The following KPNA7 variants were observed in gnomAD, a reference collection of about 807,000 sequenced individuals.
KPNA7 encodes karyopherin subunit alpha 7.
In KPNA7, 54 loss-of-function variants were observed where a neutral mutation model predicts 53.7. The observed-to-expected ratio is 1.01, with a 90% CI of 0.81 to 1.26. KPNA7 has a LOEUF of 1.26. Ranked by LOEUF, KPNA7 falls within the 50% of genes most tolerant of loss-of-function variation. The pLI is 0.00. For synonymous variants in KPNA7, 276 were observed against 259.3 expected, an observed-to-expected ratio of 1.06 and a Z score of -0.62; for missense variants, 640 against 644.5, an observed-to-expected ratio of 0.99 and a Z score of 0.07.
chr7:99,195,779 A>G lies in KPNA7; in HGVS notation c.284+305T>C, dbSNP rs1790197575. Among the ~76,000 whole-genome samples the G allele has an allele frequency of 3.3e-5, 5 of 152,182 alleles. 1 individual carries two copies. In the South Asian group the frequency reaches 1.0e-3, roughly 32 times the overall value. On this transcript the variant is annotated intron_variant, in intron 4 of 10. Transcript: ENST00000327442. ...GAGCTACTTAAGATCCTAGTGTTCAACCGATAGCATTTTTCGGTATTAAAT... is the reference window on the plus strand; with the variant it reads ...GAGCTACTTAAGATCCTAGTGTTCAGCCGATAGCATTTTTCGGTATTAAAT...
rs1789274828 is a variant in KPNA7, at chr7:99,182,014, T to C, written c.1186A>G (p.Thr396Ala). 26 of 1,548,956 alleles carry C rather than the reference T, an allele frequency of 1.7e-5. No individual in the cohort carries two copies. The highest frequency in any genetic ancestry group is 2.2e-5 in the Non-Finnish European group (25 of 1,144,940). Residue 396 changes from threonine (T) to alanine (A), a missense_variant, in exon 9 of 11, where the codon ACA (threonine) becomes GCA (alanine). Physicochemically the swap from Thr to Ala is moderately conservative, Grantham distance 58 (BLOSUM62 0). Coordinates refer to ENST00000327442, the MANE Select transcript of KPNA7 (RefSeq NM_001145715.3). ...ATCAGCTGATCCATGGTGGCCCCTGTTGCAAAGTTCGCCACCATCCAGACA... is the reference window on the plus strand; with the variant it reads ...ATCAGCTGATCCATGGTGGCCCCTGCTGCAAAGTTCGCCACCATCCAGACA... ...EAVWMVANFA[T>A]GATMDQLIQL... is the part of the protein sequence containing the mutation.
At chr7:99,152,405 G>A in the KPNA7 span, among the ~76,000 whole-genome samples, 2 of 150,704 alleles carry the variant, frequency 1.3e-5, no homozygotes, top group Non-Finnish European at 3.0e-5. Flanking sequence ...AAAAAAAAAA[G>A]TAAAAATGAG....
At chr7:99,218,149 A>G in intron 1 of KPNA7, among the ~76,000 whole-genome samples, 1 of 152,076 alleles carries the variant, frequency 6.6e-6, no homozygotes, top group South Asian at 2.1e-4. Context: ...ACAGGCATGC[A>G]CCATCACACC....
chr7:99,154,598 C>T, the KPNA7 span, among the ~76,000 whole-genome samples: 3 of 151,362 alleles, frequency 2.0e-5, no homozygotes, highest in Non-Finnish European at 4.4e-5. Flanking sequence ...GGCACAATCT[C>T]GGCTCACTGT....
chr7:99,150,718 A>C, the KPNA7 span, among the ~76,000 whole-genome samples: 1 of 152,142 alleles, frequency 6.6e-6, no homozygotes, highest in African/African-American at 2.4e-5. Context: ...GCCCAGCCAG[A>C]CATTCTTGTA....
In KPNA7 at chr7:99,188,928, G is replaced by A. The variant is rs368597094; in HGVS notation, c.637-365C>T. Among the ~76,000 whole-genome samples the A allele has an allele frequency of 7.3e-5, 11 of 151,454 alleles. No individual in the cohort carries two copies. The South Asian group carries it at 1.3e-3, about 17-fold the overall frequency. On this transcript the variant is annotated intron_variant, in intron 6 of 10. Coordinates refer to ENST00000327442, the MANE Select transcript of KPNA7 (RefSeq NM_001145715.3). ...AACTCCTGGCCTCAAGTGATCTGCC[G>A]GCCTCAGCCTCCCAACGTGCTGGGA...
intron 1 of KPNA7, among the ~76,000 whole-genome samples, chr7:99,218,388 C>A (rs539055458): frequency 6.6e-6 from 1 of 152,110 alleles, no homozygotes; most frequent in South Asian, 2.1e-4. Flanking sequence ...AGAGACCAGG[C>A]CCTCTACCTG....
Position 99,195,174 on chromosome 7 carries a change from C to T in KPNA7, c.449G>A (p.Arg150His), listed in dbSNP as rs751194966. The change falls in exon 5 of 11, where the codon CGT (arginine) becomes CAT (histidine). Residue 150 changes from arginine to histidine, a missense_variant. Coordinates refer to ENST00000327442, the MANE Select transcript of KPNA7 (RefSeq NM_001145715.3). ...NIASGTSEQT[R>H]AVVEGGAIQP... ...GATGGCTCCCCCTTCTACCACGGCA[C>T]GAGTCTGCTCCGAAGTCCCTGAAGC... is the stretch of plus-strand genomic sequence containing the variant. 1.3e-5 allele frequency: 20 copies of T among 1,551,584 alleles called. No individual in the cohort carries two copies. The highest frequency in any genetic ancestry group is 4.9e-5 in the East Asian group (2 of 40,902).
chr7:99,161,237 CTCTCTCTCTCTCTCTCTCTCTCTCT>C, the KPNA7 span, among the ~76,000 whole-genome samples: 3 of 2,182 alleles, frequency 1.4e-3, no homozygotes, highest in African/African-American at 2.3e-3. Context: ...CTCTCTCTCT[CTCTCTCTCTCTCTCTCTCTCTCTCT>C]CTCTCTCTGA....
At chr7:99,185,221 A>C in intron 7 of KPNA7, 59 bp from the exon 8 acceptor site, 1 of 1,209,122 alleles carries the variant, frequency 8.3e-7, no homozygotes, top group South Asian at 1.3e-5. Context: ...GAAGGCAACA[A>C]TCACACCAAG....
chr7:99,211,821 C>T (rs1208388932), upstream of KPNA7, among the ~76,000 whole-genome samples: 2 of 152,158 alleles, frequency 1.3e-5, no homozygotes, highest in Admixed American at 6.6e-5. Flanking sequence ...AGCCTATATA[C>T]CTTGTCTGCA....
chr7:99,185,722 G>A (rs1460581004), intron 7 of KPNA7, among the ~76,000 whole-genome samples: 8 of 152,138 alleles, frequency 5.3e-5, no homozygotes, highest in South Asian at 2.1e-4. Flanking sequence ...TACCTTTATC[G>A]AGAAATGCTG....
At chr7:99,209,697 A>AG (rs1563091938), upstream of KPNA7, among the ~76,000 whole-genome samples, 1 of 131,516 alleles carries the variant, frequency 7.6e-6, no homozygotes, top group African/African-American at 3.3e-5. Flanking sequence ...AAAAAAAAAA[A>AG]AAAAAAAAAA....
Position 99,188,349 on chromosome 7 carries a change from A to G in KPNA7, c.851T>C (p.Val284Ala), listed in dbSNP as rs1310532725. The change falls in exon 7 of 11, where the codon GTC becomes GCC. Residue 284 changes from valine to alanine, a missense_variant. Val to Ala is a moderately conservative substitution (Grantham distance 64). Coordinates refer to ENST00000327442, the MANE Select transcript of KPNA7 (RefSeq NM_001145715.3). ...CATGAGCACTACCAGCCTGGGCAGG[A>G]CCCCCGTGTTAACCACTTGGCCGAT... ...KRIGQVVNTGVLPRLVVLMTS... is the reference protein window; with the variant it reads ...KRIGQVVNTGALPRLVVLMTS... 6.4e-7 allele frequency: 1 copy of G among 1,551,238 alleles called. No individual in the cohort carries two copies. Among genetic ancestry groups the G allele is most frequent in the Admixed American group, 2.0e-5 (1 of 50,888 alleles).
chr7:99,172,102 T>C (rs755317683), downstream of KPNA7, among the ~76,000 whole-genome samples: 3 of 152,206 alleles, frequency 2.0e-5, no homozygotes, highest in Non-Finnish European at 4.4e-5. Flanking sequence ...ATTTACATCA[T>C]TATGATAAAA....
intron 10 of KPNA7, among the ~76,000 whole-genome samples, chr7:99,177,712 T>C (rs1410078810): frequency 2.0e-5 from 3 of 151,720 alleles, no homozygotes; most frequent in Non-Finnish European, 4.4e-5. Context: ...TTAGAATAGC[T>C]TCCAGGCACC....
chr7:99,194,976 T>A, intron 5 of KPNA7, 94 bp downstream of exon 5: 1 of 1,378,770 alleles, frequency 7.3e-7, no homozygotes, highest in Non-Finnish European at 9.8e-7. Context: ...CAAAGTGTTC[T>A]GGGACATCGA....
At chr7:99,217,534 G>A (rs1776148753) in intron 1 of KPNA7, among the ~76,000 whole-genome samples, 1 of 152,004 alleles carries the variant, frequency 6.6e-6, no homozygotes, top group South Asian at 2.1e-4. Flanking sequence ...TGGGGTTGGG[G>A]GTGGAGAGGG....
At chr7:99,178,930 A>G (rs1799037965) in intron 9 of KPNA7, among the ~76,000 whole-genome samples, 1 of 151,922 alleles carries the variant, frequency 6.6e-6, no homozygotes, top group Non-Finnish European at 1.5e-5. Flanking sequence ...CTACAGGTAC[A>G]TGCCATGCCA....
Sources: gnomAD v4.1 joint callset for allele counts (sites outside exome capture counted in the v4.1 genomes callset) on GRCh38, gnomAD v4.1.1 for gene constraint, MANE v1.5 for transcripts, NCBI Gene and HGNC (gene_info 2026-07-23, HGNC 2026-07-21) for gene names.